The following RNF135 variants were observed in gnomAD, a reference collection of about 807,000 sequenced individuals.
RNF135 encodes ring finger protein 135.
In RNF135, 46 loss-of-function variants were observed where a neutral mutation model predicts 41.9. The observed-to-expected ratio is 1.10, with a 90% CI of 0.87 to 1.40. The LOEUF (loss-of-function observed/expected upper bound fraction) is 1.40, where lower values mean the gene tolerates loss of function less well. RNF135 is among the 40% of genes most tolerant of loss of function. The probability of loss-of-function intolerance (pLI) is 0.00; values close to 1 mark genes in which losing one functional copy is unlikely to be tolerated. For synonymous variants in RNF135, 238 were observed against 223.8 expected (o/e 1.06, Z -0.57); for missense variants, 539 against 549.8 (o/e 0.98, Z 0.20).
chr17:30,993,165 A>G (rs1236607458), intron 3 of RNF135, among the ~76,000 whole-genome samples: 1 of 151,586 alleles, frequency 6.6e-6, no homozygotes, highest in Non-Finnish European at 1.5e-5. Context: ...GGTTCAAGCA[A>G]TTCTCCTGCC....
the RNF135 span, among the ~76,000 whole-genome samples, chr17:30,960,370 G>A: frequency 4.0e-5 from 6 of 149,924 alleles, no homozygotes; most frequent in East Asian, 2.0e-4. Flanking sequence ...CCAGCCTGGC[G>A]ACAGAGTGAG....
chr17:30,964,843 C>G, the RNF135 span: 1 of 151,848 alleles, frequency 6.6e-6, no homozygotes, highest in South Asian at 2.1e-4. Flanking sequence ...GCCACCGCAC[C>G]GGGCTAATTT....
At chr17:30,988,635 C>T (rs1035440679) in intron 3 of RNF135, among the ~76,000 whole-genome samples, 7 of 151,590 alleles carry the variant, frequency 4.6e-5, no homozygotes, top group African/African-American at 9.7e-5. Flanking sequence ...ACCATGTTAA[C>T]GAGGATGGTC....
intron 1 of RNF135, chr17:30,975,565 C>T: frequency 1.3e-6 from 1 of 790,810 alleles, no homozygotes; most frequent in East Asian, 2.4e-5. Flanking sequence ...CAACAATACT[C>T]CAGGTCTGGT....
At chr17:30,991,645 C>T (rs1475807528) in intron 3 of RNF135, among the ~76,000 whole-genome samples, 1 of 151,908 alleles carries the variant, frequency 6.6e-6, no homozygotes, top group Non-Finnish European at 1.5e-5. Flanking sequence ...GACTCCTGAC[C>T]TCAGGTGATC....
intron 3 of RNF135, among the ~76,000 whole-genome samples, chr17:30,995,484 C>T (rs1472032098): frequency 1.3e-5 from 2 of 152,156 alleles, no homozygotes; most frequent in Non-Finnish European, 2.9e-5. Flanking sequence ...CCTGCTGCCT[C>T]AGCCTCCTAA....
At chr17:30,988,924 CTTT>C (rs572603845) in intron 3 of RNF135, among the ~76,000 whole-genome samples, 15 of 99,934 alleles carry the variant, frequency 1.5e-4, no homozygotes, top group African/African-American at 5.7e-4. Flanking sequence ...TTCTTTCTTT[CTTT>C]TTTTTTTTTT....
At chr17:30,968,650 A>C (rs1053376461), upstream of RNF135, 3 of 151,166 alleles carry the variant, frequency 2.0e-5, no homozygotes, top group Non-Finnish European at 4.4e-5. Context: ...AGCCTCCCAA[A>C]GTGCTGGGAT....
intron 3 of RNF135, among the ~76,000 whole-genome samples, chr17:30,995,556 A>G (rs943423301): frequency 3.3e-5 from 5 of 152,034 alleles, no homozygotes; most frequent in African/African-American, 7.2e-5. Flanking sequence ...TTGAAACTCT[A>G]TACCCATTAA....
chr17:30,981,960 C>T (rs948146220), intron 1 of RNF135, among the ~76,000 whole-genome samples: 4 of 152,224 alleles, frequency 2.6e-5, no homozygotes, highest in African/African-American at 9.6e-5. Flanking sequence ...CACCTTGTGG[C>T]CATGACCACT....
At chr17:30,976,504 T>G (rs1347152737) in intron 1 of RNF135, among the ~76,000 whole-genome samples, 1 of 152,206 alleles carries the variant, frequency 6.6e-6, no homozygotes, top group Non-Finnish European at 1.5e-5. Context: ...CAATATTTCC[T>G]TGTTACTTTT....
chr17:30,964,460 C>T, the RNF135 span, among the ~76,000 whole-genome samples: 29 of 149,050 alleles, frequency 1.9e-4, no homozygotes, highest in Non-Finnish European at 3.4e-4. Context: ...CATGTTAGGC[C>T]GAGCGTGGTG....
intron 1 of RNF135, among the ~76,000 whole-genome samples, chr17:30,977,844 C>T (rs1319010287): frequency 6.6e-6 from 1 of 152,220 alleles, no homozygotes; most frequent in Non-Finnish European, 1.5e-5. Flanking sequence ...GCTGGGATTA[C>T]AAGTATGAGC....
chr17:30,975,839 T>C (rs1906400385), intron 1 of RNF135: 1 of 913,784 alleles, frequency 1.1e-6, no homozygotes, highest in Admixed American at 1.8e-5. Context: ...AATAGTCCAT[T>C]TTGGCTGCTG....
At chr17:30,971,010 G>A (rs968480089), upstream of RNF135, 4 of 1,530,654 alleles carry the variant, frequency 2.6e-6, no homozygotes, top group Non-Finnish European at 2.6e-6. Context: ...GAAGGGCGAG[G>A]GAGGAGCCTG....
chr17:30,996,779 G>A (rs1374640700), intron 3 of RNF135, among the ~76,000 whole-genome samples: 2 of 152,282 alleles, frequency 1.3e-5, no homozygotes, highest in East Asian at 3.9e-4. Flanking sequence ...GGAATTAGGA[G>A]GTGTCAGCAA....
At chr17:30,993,889 G>A (rs1458083724) in intron 3 of RNF135, 4 of 663,268 alleles carry the variant, frequency 6.0e-6, no homozygotes, top group South Asian at 1.8e-5. Context: ...CTGCAGCCTC[G>A]ATCTCTCAGG....
the RNF135 span, chr17:30,959,466 G>A: frequency 6.6e-6 from 1 of 152,318 alleles, no homozygotes; most frequent in African/African-American, 2.4e-5. Flanking sequence ...TTCTCTAAAA[G>A]AGATGATACC....
intron 1 of RNF135, chr17:30,971,852 C>T (rs1308828856): frequency 5.0e-6 from 2 of 397,980 alleles, no homozygotes; most frequent in African/African-American, 2.2e-5. Context: ...CAATGGCGTG[C>T]GTGATCTCGG....
Sources: gnomAD v4.1 joint callset for allele counts (sites outside exome capture counted in the v4.1 genomes callset) on GRCh38, gnomAD v4.1.1 for gene constraint, MANE v1.5 for transcripts, NCBI Gene and HGNC (gene_info 2026-07-23, HGNC 2026-07-21) for gene names.